FAT1: variants seen among roughly 807,000 people sequenced by gnomAD.
FAT1 encodes the protein FAT atypical cadherin 1, also known as protocadherin Fat 1.
Under a neutral mutation model 329.8 loss-of-function variants are expected in FAT1, and 171 were observed. The observed-to-expected ratio is 0.52, with a 90% confidence interval of 0.46 to 0.59. FAT1 has a LOEUF of 0.59. Among genes scored for constraint, FAT1 ranks in the 20% least tolerant of loss-of-function variants. The probability of loss-of-function intolerance (pLI) is 0.00; values close to 1 mark genes in which losing one functional copy is unlikely to be tolerated. For synonymous variants in FAT1, 2,233 were observed against 2,228.6 expected, an observed-to-expected ratio of 1.00 and a Z score of -0.06; for missense variants, 5,672 against 5,774.4, an observed-to-expected ratio of 0.98 and a Z score of 0.57.
At chr4:186,644,958 T>A (rs1176432009) in intron 3 of FAT1, among the ~76,000 whole-genome samples, 1 of 152,176 alleles carries the variant, frequency 6.6e-6, no homozygotes, top group Non-Finnish European at 1.5e-5. Flanking sequence ...TGGCAAAGAC[T>A]ACTTTACATG....
intron 7 of FAT1, among the ~76,000 whole-genome samples, chr4:186,633,266 A>T (rs1224837672): frequency 6.6e-6 from 1 of 152,224 alleles, no homozygotes; most frequent in African/African-American, 2.4e-5. Context: ...CAATTTTATT[A>T]GTTATTTTAT....
At chr4:186,669,512 C>T (rs569877171) in intron 2 of FAT1, among the ~76,000 whole-genome samples, 1 of 152,118 alleles carries the variant, frequency 6.6e-6, no homozygotes. Context: ...TTTCCAACCT[C>T]GAGAATACAG....
intron 2 of FAT1, among the ~76,000 whole-genome samples, chr4:186,674,889 C>G (rs1015846484): frequency 6.6e-6 from 1 of 152,012 alleles, no homozygotes; most frequent in Non-Finnish European, 1.5e-5. Flanking sequence ...CAAAAATTAG[C>G]CAAGCATGGT....
At chr4:186,662,006 T>TC (rs67163880) in intron 3 of FAT1, among the ~76,000 whole-genome samples, 19 of 144,634 alleles carry the variant, frequency 1.3e-4, no homozygotes, top group African/African-American at 2.8e-4. Flanking sequence ...TAGGAAATCC[T>TC]CCCCCCCGCC....
At position 186,638,386 on chromosome 4, in the gene FAT1, T is replaced by C. The variant is rs532258775; in HGVS notation, c.3642+1336A>G. ...TGTCAGTGTAACTACTGCTCTCCTA[T>C]CTTCCCATCTGTTTATCTTTGTCAG... On this transcript the variant is annotated intron_variant, in intron 4 of 26. Transcript: ENST00000441802. Among the ~76,000 whole-genome samples the C allele has an allele frequency of 9.2e-5, 14 of 152,316 alleles. No homozygotes were observed. The South Asian group carries it at 2.5e-3, about 27-fold the overall frequency.
In FAT1 at chr4:186,663,593, G is replaced by T; in HGVS notation, c.3286C>A (p.Arg1096=). Residue 1096 remains arginine, a synonymous_variant, in exon 3 of 27, where the codon CGA becomes AGA. Transcript: ENST00000441802. ...EETGVIETSD[R]LDRESTSHYW... is the part of the protein sequence containing the mutation. ...TGGGAGGTCGATTCACGGTCCAGTC[G>T]ATCTGACGTCTCTATGACACCTACA... 2 of 1,608,802 alleles carry T rather than the reference G, an allele frequency of 1.2e-6. No homozygotes were observed. Among genetic ancestry groups the T allele is most frequent in the Non-Finnish European group, 1.7e-6 (2 of 1,179,520 alleles).
intron 2 of FAT1, among the ~76,000 whole-genome samples, chr4:186,665,721 T>G (rs181461167): frequency 1.3e-3 from 198 of 152,220 alleles, no homozygotes; most frequent in African/African-American, 4.6e-3. Flanking sequence ...CAATTTTGGC[T>G]TTTGTTGCCA....
chr4:186,673,088 T>A (rs1057088246), intron 2 of FAT1, among the ~76,000 whole-genome samples: 1 of 152,124 alleles, frequency 6.6e-6, no homozygotes, highest in Non-Finnish European at 1.5e-5. Context: ...CGTATAAAAG[T>A]ATATAAAATA....
At chr4:186,682,619 AG>A (rs1743283028) in intron 2 of FAT1, among the ~76,000 whole-genome samples, 1 of 152,230 alleles carries the variant, frequency 6.6e-6, no homozygotes, top group South Asian at 2.1e-4. Context: ...TGCTTCTGAA[AG>A]AAAACAACTT....
At chr4:186,692,413 C>T (rs1049268726) in intron 2 of FAT1, among the ~76,000 whole-genome samples, 4 of 152,006 alleles carry the variant, frequency 2.6e-5, no homozygotes, top group Non-Finnish European at 5.9e-5. Context: ...CCCGGGTTCA[C>T]GCCATTCTCC....
intron 2 of FAT1, among the ~76,000 whole-genome samples, chr4:186,675,535 C>T (rs901704755): frequency 2.0e-5 from 3 of 152,004 alleles, no homozygotes; most frequent in Admixed American, 6.6e-5. Flanking sequence ...GGGAGGCTGA[C>T]GTGGGAGGAT....
chr4:186,628,409 A>C, intron 8 of FAT1, 45 bp from the exon 9 acceptor site: 2 of 1,609,362 alleles, frequency 1.2e-6, no homozygotes, highest in African/African-American at 1.3e-5. Context: ...TGCTTTCCTT[A>C]TAACTAATTA....
At chr4:186,688,758 G>A (rs1400486643) in intron 2 of FAT1, among the ~76,000 whole-genome samples, 1 of 148,732 alleles carries the variant, frequency 6.7e-6, no homozygotes, top group East Asian at 2.0e-4. Flanking sequence ...CACAACTCTT[G>A]ACGTGAAACT....
chr4:186,621,532 A>G lies in FAT1; in HGVS notation c.5054T>C (p.Phe1685Ser), dbSNP rs1740048212. ...ACTATGGGCTGTAACCATCCCAACG[A>G]AACTCCCAATGCTGACAGTTTCACT... ...ELSETVSIGS[F>S]VGMVTAHSQS... The change falls in exon 10 of 27, where the codon TTC becomes TCC. Residue 1685 changes from phenylalanine to serine, a missense_variant. Physicochemically the swap from Phe to Ser is radical, Grantham distance 155 (BLOSUM62 -2). Coordinates refer to ENST00000441802, the MANE Select transcript of FAT1 (RefSeq NM_005245.4). 2 of 1,614,034 alleles carry G rather than the reference A, an allele frequency of 1.2e-6. No homozygotes were observed. Among genetic ancestry groups the G allele is most frequent in the Non-Finnish European group, 1.7e-6 (2 of 1,179,882 alleles).
At chr4:186,589,818 C>A (rs2126360664) in intron 26 of FAT1, among the ~76,000 whole-genome samples, 1 of 152,280 alleles carries the variant, frequency 6.6e-6, no homozygotes, top group South Asian at 2.1e-4. Flanking sequence ...AGGTGTGAGC[C>A]ATCAGGCCCA....
At chr4:186,647,778 A>G (rs1223939376) in intron 3 of FAT1, among the ~76,000 whole-genome samples, 1 of 152,168 alleles carries the variant, frequency 6.6e-6, no homozygotes, top group Non-Finnish European at 1.5e-5. Flanking sequence ...TTTTGGTGGT[A>G]AAGGAAGTGT....
Position 186,613,259 on chromosome 4 carries a change from TTCC to T in FAT1, c.9310_9312del (p.Gly3104del). 2 of 1,613,924 alleles carry T rather than the reference TTCC, an allele frequency of 1.2e-6. No homozygotes were observed. The highest frequency in any genetic ancestry group is 1.1e-5 in the South Asian group (1 of 91,080). On this transcript the variant is annotated inframe_deletion, in exon 13 of 27. Coordinates refer to ENST00000441802, the MANE Select transcript of FAT1 (RefSeq NM_005245.4). ...AGCACAATACTGGCTTGGCAGAATCTTCCTCCTCCATCTGTGGCCCTGACGAGA... is the reference window on the plus strand; with the variant it reads ...AGCACAATACTGGCTTGGCAGAATCTTCCTCCATCTGTGGCCCTGACGAGA...
intron 2 of FAT1, among the ~76,000 whole-genome samples, chr4:186,667,689 C>T (rs909606531): frequency 1.3e-5 from 2 of 152,204 alleles, no homozygotes; most frequent in African/African-American, 4.8e-5. Flanking sequence ...AATCACGTCA[C>T]TAGATGCTTT....
chr4:186,715,043 A>G (rs1579502826), intron 1 of FAT1, among the ~76,000 whole-genome samples: 1 of 151,902 alleles, frequency 6.6e-6, no homozygotes. Context: ...GCACCACTGC[A>G]CTCCAGCCTA....
Sources: allele counts gnomAD v4.1 joint callset (sites outside exome capture counted in the v4.1 genomes callset), GRCh38; gene constraint gnomAD v4.1.1; transcripts MANE v1.5; gene names NCBI Gene and HGNC (gene_info 2026-07-23, HGNC 2026-07-21).